TRPM5: variants seen among roughly 807,000 people sequenced by gnomAD.
TRPM5 encodes transient receptor potential cation channel subfamily M member 5.
In TRPM5, 121 loss-of-function variants were observed where a neutral mutation model predicts 124.9. That is an observed-to-expected ratio of 0.97 (90% confidence interval 0.84 to 1.13). The LOEUF (loss-of-function observed/expected upper bound fraction) is 1.13. Among genes scored for constraint, TRPM5 ranks in the 50% most tolerant of loss-of-function variants. The pLI, the probability that TRPM5 is intolerant of heterozygous loss-of-function variation, is 0.00. For missense variants in TRPM5, 1,643 were observed against 1,589.1 expected (o/e 1.03, Z -0.58); for synonymous variants, 781 against 700.5 (o/e 1.11, Z -1.81).
upstream of TRPM5, chr11:2,423,058 G>A (rs748671564): frequency 1.3e-6 from 2 of 1,589,464 alleles, no homozygotes; most frequent in African/African-American, 1.3e-5. Context: ...GAGCTGCAGG[G>A]ATACCCTGGC....
At chr11:2,422,959 G>A (rs759599505) in exon 1 of TRPM5, 13 of 1,612,938 alleles carry the variant, frequency 8.1e-6, no homozygotes, top group African/African-American at 1.3e-5. Context: ...AGTTGACCTC[G>A]CCCCTGTGCA....
At chr11:2,412,650 G>T in intron 15 of TRPM5, 104 bp downstream of exon 20, 1 of 1,278,406 alleles carries the variant, frequency 7.8e-7, no homozygotes, top group Non-Finnish European at 1.1e-6. Context: ...TGCTGTTCTT[G>T]TTTTACAGTT....
chr11:2,438,902 G>T, the TRPM5 span, among the ~76,000 whole-genome samples: 1 of 152,134 alleles, frequency 6.6e-6, no homozygotes, highest in Non-Finnish European at 1.5e-5. The surrounding 1 kb of genome is among the most constrained non-coding windows in gnomAD (Gnocchi z 5.9). Context: ...AAAGCCAGAG[G>T]CATCACATTA....
At position 2,410,189 on chromosome 11, in the gene TRPM5, G is replaced by A. The variant is rs529972890; in HGVS notation, c.2782+1163C>T. 9.5e-4 allele frequency among the ~76,000 whole-genome samples: 145 copies of A among 152,316 alleles called. 3 individuals are homozygous for A. In the South Asian group the frequency reaches 0.021, roughly 22 times the overall value. ...ACACCAAAATGTCAGGAGGGGCTGC[G>A]GGGGCTGAGAAAACAGCCCAAGGAA... On this transcript the variant is annotated intron_variant, in intron 18 of 23. Coordinates refer to ENST00000155858, the Ensembl canonical transcript of TRPM5.
chr11:2,410,167 C>A (rs1400286685), intron 18 of TRPM5, among the ~76,000 whole-genome samples: 2 of 152,192 alleles, frequency 1.3e-5, no homozygotes, highest in Non-Finnish European at 2.9e-5. Flanking sequence ...TGAGCAAACA[C>A]CAAAATGTCA....
At chr11:2,429,855 T>C in the TRPM5 span, among the ~76,000 whole-genome samples, 2 of 152,132 alleles carry the variant, frequency 1.3e-5, no homozygotes, top group East Asian at 3.9e-4. The surrounding 1 kb of genome is among the most constrained non-coding windows in gnomAD (Gnocchi z 8.4). Flanking sequence ...AATCGGATCA[T>C]GGGGGTGGTT....
chr11:2,433,785 C>T, the TRPM5 span, among the ~76,000 whole-genome samples: 1 of 152,058 alleles, frequency 6.6e-6, no homozygotes, highest in Non-Finnish European at 1.5e-5. Flanking sequence ...TGTGTGTGTG[C>T]ATGCATATGT....
At chr11:2,417,872 G>C (rs774610332) in intron 6 of TRPM5, 43 bp from the exon 12 acceptor site, 61 of 1,518,996 alleles carry the variant, frequency 4.0e-5, no homozygotes, top group Non-Finnish European at 4.6e-5. Context: ...CCTCAGCCAG[G>C]ACGGGGGCAG....
intron 19 of TRPM5, 55 bp from the exon 25 acceptor site, chr11:2,407,355 A>T (rs1850345371): frequency 2.0e-6 from 3 of 1,521,360 alleles, no homozygotes; most frequent in Admixed American, 2.1e-5. Flanking sequence ...CACTTGGGGG[A>T]CGCATCCCCC....
rs193163625 is a variant in TRPM5 at position 2,414,737 on chromosome 11, C to T, written c.1722G>A (p.Ala574=). 1.7e-3 allele frequency: 2,604 copies of T among 1,543,932 alleles called. 37 individuals are homozygous for T. The African/African-American group carries it at 0.031, about 19-fold the overall frequency. ...CACCAAGGGCCAGCCGCTCGTATTT[C>T]GCCTCGCGCGTGGCTCGGGCCGCCT... The change falls in exon 11 of 24, where the codon GCG becomes GCA. Residue 574 remains alanine, a synonymous_variant. Transcript: ENST00000155858.
chr11:2,430,646 A>G, the TRPM5 span, among the ~76,000 whole-genome samples: 11 of 122,494 alleles, frequency 9.0e-5, no homozygotes, highest in South Asian at 2.7e-4. Flanking sequence ...GGGTGGTGGC[A>G]GTGATGGTGA....
Position 2,418,542 on chromosome 11 carries a change from A to T in TRPM5, c.699T>A (p.Asp233Glu). 6.2e-7 allele frequency: 1 copy of T among 1,611,474 alleles called. No individual in the cohort carries two copies. Among genetic ancestry groups the T allele is most frequent in the Non-Finnish European group, 8.5e-7 (1 of 1,179,534 alleles). Residue 233 changes from aspartate to glutamate, a missense_variant, in exon 5 of 24, where the codon GAT becomes GAA. By Grantham distance (45) the Asp-to-Glu change is conservative (BLOSUM62 2). Transcript: ENST00000155858. ...AGGCCCCTACCTCCAAGGTGTTGGG[A>T]TCACCATTGACCAGCAAGCAGAGGA...
chr11:2,412,977 C>T, exon 15 of TRPM5: 3 of 1,606,264 alleles, frequency 1.9e-6, no homozygotes, highest in Non-Finnish European at 1.7e-6. Flanking sequence ...GCCTCGGTCA[C>T]CCTGAGCCCT....
exon 2 of TRPM5, chr11:2,422,226 C>A: frequency 6.2e-7 from 1 of 1,612,454 alleles, no homozygotes; most frequent in Non-Finnish European, 8.5e-7. Context: ...CCTCACCCAC[C>A]AGGGACACCA....
chr11:2,414,014 C>CCCCCCCCCCCCCCCCCCCCCCCCCCCAG, intron 12 of TRPM5, 47 bp downstream of exon 17: 2 of 533,206 alleles, frequency 3.8e-6, no homozygotes, highest in Non-Finnish European at 6.9e-6. Context: ...AGCTCGCCCG[C>CCCCCCCCCCCCCCCCCCCCCCCCCCCAG]CCACCCCACC....
At chr11:2,421,409 C>T (rs111625825) in intron 2 of TRPM5, among the ~76,000 whole-genome samples, 1 of 152,292 alleles carries the variant, frequency 6.6e-6, no homozygotes, top group African/African-American at 2.4e-5. Flanking sequence ...CTGGCTGGGC[C>T]CAGAACCTGT....
At chr11:2,444,046 C>T in the TRPM5 span, among the ~76,000 whole-genome samples, 1 of 152,174 alleles carries the variant, frequency 6.6e-6, no homozygotes, top group African/African-American at 2.4e-5. Context: ...GCCCAGGCAG[C>T]CCCGCCTGCT....
chr11:2,413,577 G>C, exon 13 of TRPM5: 5 of 1,612,398 alleles, frequency 3.1e-6, no homozygotes, highest in South Asian at 1.1e-5. Context: ...ACCAGATCCT[G>C]GTCAGGAAGG....
the TRPM5 span, among the ~76,000 whole-genome samples, chr11:2,429,890 TGAGTGA>T: frequency 6.6e-6 from 1 of 152,084 alleles, no homozygotes; most frequent in Admixed American, 6.5e-5. This position sits in a 1 kb window ranked among gnomAD's most constrained non-coding sequence, Gnocchi z 8.4. Context: ...CTCATGATAG[TGAGTGA>T]GTTCTCATGA....
Sources: gnomAD v4.1 joint callset for allele counts (sites outside exome capture counted in the v4.1 genomes callset) on GRCh38, gnomAD v4.1.1 for gene constraint, Gnocchi (gnomAD v3.1) non-coding constraint, MANE v1.5 for transcripts, NCBI Gene and HGNC (gene_info 2026-07-23, HGNC 2026-07-21) for gene names.